The following GCH1 variants were observed in gnomAD, a reference collection of about 807,000 sequenced individuals.
GCH1 encodes the protein GTP cyclohydrolase I.
GCH1 carries 5 observed loss-of-function variants against 25.9 expected under a neutral mutation model. That is an observed-to-expected ratio of 0.19 (90% confidence interval 0.10 to 0.41). The LOEUF (loss-of-function observed/expected upper bound fraction) is 0.41. Among genes scored for constraint, GCH1 ranks in the 10% least tolerant of loss-of-function variants. The pLI is 1.00. For missense variants in GCH1, 261 were observed against 336.5 expected, an observed-to-expected ratio of 0.78 and a Z score of 1.75; for synonymous variants, 159 against 129.6, an observed-to-expected ratio of 1.23 and a Z score of -1.54.
chr14:54,863,885 G>A (rs1443358780), intron 2 of GCH1, among the ~76,000 whole-genome samples: 1 of 144,802 alleles, frequency 6.9e-6, no homozygotes, highest in Non-Finnish European at 1.5e-5. Flanking sequence ...GGGTCTGGCA[G>A]TCTGGCTCTG....
Position 54,902,673 on chromosome 14 carries a change from G to A in GCH1, c.-10C>T. 6.9e-7 allele frequency: 1 copy of A among 1,440,546 alleles called. No homozygotes were observed. The highest frequency in any genetic ancestry group is 9.1e-7 in the Non-Finnish European group (1 of 1,103,120). The allele number at this position is 1,440,546 out of a possible 1,614,324, so 89.2% of individuals were successfully genotyped here. ...CAGGGCCCTTCTCCATGGACCCGCC[G>A]CAGCCGCTGCCGTTCGGGAAGGACC... On this transcript the variant is annotated 5_prime_UTR_variant, in exon 1 of 6. Transcript: ENST00000491895.
chr14:54,891,000 AC>A (rs1484954415), intron 1 of GCH1, among the ~76,000 whole-genome samples: 1 of 152,190 alleles, frequency 6.6e-6, no homozygotes, highest in African/African-American at 2.4e-5. Flanking sequence ...ACTCATAGAG[AC>A]CATCTACAGT....
intron 3 of GCH1, among the ~76,000 whole-genome samples, chr14:54,853,922 C>T (rs2039771606): frequency 6.6e-6 from 1 of 152,170 alleles, no homozygotes; most frequent in Non-Finnish European, 1.5e-5. Flanking sequence ...CACTTTCCCC[C>T]AAATCATTAA....
chr14:54,854,366 C>A (rs1230765689), intron 3 of GCH1, among the ~76,000 whole-genome samples: 1 of 152,132 alleles, frequency 6.6e-6, no homozygotes, highest in Non-Finnish European at 1.5e-5. Flanking sequence ...CAAAGACCTG[C>A]AGCAGGGAGG....
intron 1 of GCH1, among the ~76,000 whole-genome samples, chr14:54,871,092 A>G: frequency 6.6e-6 from 1 of 152,032 alleles, no homozygotes; most frequent in East Asian, 1.9e-4. Context: ...ACTGGGAGGC[A>G]CCCCCAAGGA....
At chr14:54,844,338 T>C (rs182333182) in intron 5 of GCH1, among the ~76,000 whole-genome samples, 195 bp from the exon 6 acceptor site, 34 of 152,346 alleles carry the variant, frequency 2.2e-4, no homozygotes, top group Middle Eastern at 6.8e-3. Context: ...TGGCAAAAAC[T>C]GCAATTATCT....
At chr14:54,867,856 T>C (rs1449389373) in intron 1 of GCH1, among the ~76,000 whole-genome samples, 1 of 152,064 alleles carries the variant, frequency 6.6e-6, no homozygotes, top group Non-Finnish European at 1.5e-5. Context: ...TTGAGGTACA[T>C]CAAAATTTAA....
At chr14:54,889,577 G>T (rs966165128) in intron 1 of GCH1, among the ~76,000 whole-genome samples, 1 of 152,108 alleles carries the variant, frequency 6.6e-6, no homozygotes, top group Non-Finnish European at 1.5e-5. Flanking sequence ...ATTCAGTCAC[G>T]GCCAATTTCC....
At chr14:54,880,772 T>C (rs1335014332) in intron 1 of GCH1, among the ~76,000 whole-genome samples, 1 of 71,394 alleles carries the variant, frequency 1.4e-5, no homozygotes, top group Non-Finnish European at 2.4e-5. Context: ...ATATATATAC[T>C]CCATATATAT....
At chr14:54,902,215 G>T in intron 1 of GCH1, 106 bp downstream of exon 1, 1 of 1,269,944 alleles carries the variant, frequency 7.9e-7, no homozygotes, top group Non-Finnish European at 1.1e-6. Context: ...CCGGCTTCCT[G>T]CGCCAAAAGT....
chr14:54,851,038 A>G (rs563824312), intron 3 of GCH1, among the ~76,000 whole-genome samples: 26 of 152,342 alleles, frequency 1.7e-4, no homozygotes, highest in Admixed American at 1.3e-3. Flanking sequence ...AAACAGAGAT[A>G]TAGACCAATG....
intron 1 of GCH1, among the ~76,000 whole-genome samples, chr14:54,897,535 C>T (rs927011342): frequency 2.6e-5 from 4 of 151,958 alleles, no homozygotes; most frequent in Non-Finnish European, 4.4e-5. Context: ...GTGATCCACC[C>T]GCCTCGGCCT....
chr14:54,843,852 T>C lies in GCH1; in HGVS notation c.*165A>G. 1 of 1,611,682 alleles carries C rather than the reference T, an allele frequency of 6.2e-7. No individual in the cohort carries two copies. On this transcript the variant is annotated 3_prime_UTR_variant, in exon 6 of 6. Transcript: ENST00000491895. ...AGAAAGTAGAGGGCTCAACCCTTTA[T>C]TATATTTATTTGACTTCCTAGAAAT...
At chr14:54,874,324 G>A (rs1205659976) in intron 1 of GCH1, among the ~76,000 whole-genome samples, 2 of 152,278 alleles carry the variant, frequency 1.3e-5, no homozygotes, top group East Asian at 3.9e-4. Context: ...AATAAATTAG[G>A]TATTGATGGG....
At chr14:54,854,258 C>T (rs566759025) in intron 3 of GCH1, among the ~76,000 whole-genome samples, 163 of 152,330 alleles carry the variant, frequency 1.1e-3, no homozygotes, top group African/African-American at 3.7e-3. Context: ...AACATCCCAG[C>T]AGCTCATGAG....
At position 54,902,502 on chromosome 14, in the gene GCH1, C is replaced by T; in HGVS notation, c.162G>A (p.Lys54=). The T allele has an allele frequency of 6.2e-7, 1 of 1,604,898 alleles. No homozygotes were observed. Residue 54 remains lysine (K), a synonymous_variant, in exon 1 of 6, where the codon AAG becomes AAA. Transcript: ENST00000491895. The stretch of plus-strand genomic sequence containing the variant: ...CCTCCTCGCTGCGGGGCCGCTCGCC[C>T]TTCCAGCCGTCCGCGGGCTGCGCGC... ...AKSAQPADGW[K]GERPRSEEDN... is the part of the protein sequence containing the mutation.
chr14:54,847,159 TC>T (rs1311742703), intron 3 of GCH1, 29 bp from the exon 4 acceptor site: 1 of 897,562 alleles, frequency 1.1e-6, no homozygotes, highest in African/African-American at 1.7e-5. Flanking sequence ...TTTTAGTTAA[TC>T]ACAAATCATT....
At chr14:54,880,253 A>T (rs1180386341) in intron 1 of GCH1, among the ~76,000 whole-genome samples, 1 of 149,810 alleles carries the variant, frequency 6.7e-6, no homozygotes, top group Non-Finnish European at 1.5e-5. Flanking sequence ...TGTATTTTTT[A>T]AAAGCAATTA....
In GCH1 at chr14:54,842,651, C is replaced by T; in HGVS notation, c.*1366G>A. Reference sequence around the variant, plus strand: ...GAGATGGGACTAAAGTTAAAGCAAGCATCAAAGTTATTACTTTTAGGGTAA... The same window carrying T: ...GAGATGGGACTAAAGTTAAAGCAAGTATCAAAGTTATTACTTTTAGGGTAA... On this transcript the variant is annotated 3_prime_UTR_variant, in exon 6 of 6. Transcript: ENST00000491895. 1 of 195,432 alleles carries T rather than the reference C, an allele frequency of 5.1e-6. No homozygotes were observed. Among genetic ancestry groups the T allele is most frequent in the Non-Finnish European group, 1.0e-5 (1 of 96,978 alleles). The allele number at this position is 195,432 out of a possible 1,614,324, so 12.1% of individuals were successfully genotyped here.
Sources: gnomAD v4.1 joint callset for allele counts (sites outside exome capture counted in the v4.1 genomes callset) on GRCh38, gnomAD v4.1.1 for gene constraint, MANE v1.5 for transcripts, NCBI Gene and HGNC (gene_info 2026-07-23, HGNC 2026-07-21) for gene names.